Variants in MAN1A1 observed in about 807,000 individuals in gnomAD.
MAN1A1 encodes the protein mannosyl-oligosaccharide 1,2-alpha-mannosidase IA.
Under a neutral mutation model 70.8 loss-of-function variants are expected in MAN1A1, and 29 were observed. That is an observed-to-expected ratio of 0.41 (90% CI 0.31 to 0.56). The LOEUF (loss-of-function observed/expected upper bound fraction) is 0.56, where lower values mean the gene tolerates loss of function less well. MAN1A1 is among the 20% of genes least tolerant of loss of function. The pLI is 0.29. For synonymous variants in MAN1A1, 349 were observed against 330.1 expected (o/e 1.06, Z -0.62); for missense variants, 747 against 841.3 (o/e 0.89, Z 1.39).
At chr6:119,231,570 G>A (rs1774677425) in intron 6 of MAN1A1, among the ~76,000 whole-genome samples, 1 of 152,158 alleles carries the variant, frequency 6.6e-6, no homozygotes, top group Non-Finnish European at 1.5e-5. Flanking sequence ...ATCTAGAGAA[G>A]CCTCCTCAAG....
At chr6:119,183,436 A>G (rs991780949) in intron 11 of MAN1A1, among the ~76,000 whole-genome samples, 1 of 152,012 alleles carries the variant, frequency 6.6e-6, no homozygotes, top group African/African-American at 2.4e-5. Flanking sequence ...CAAATACCAG[A>G]TATGTAGAAT....
chr6:119,326,228 G>C (rs1289472097), intron 2 of MAN1A1, among the ~76,000 whole-genome samples: 1 of 152,162 alleles, frequency 6.6e-6, no homozygotes. Context: ...CTGCCTTCAG[G>C]GTCAGCAGCT....
chr6:119,213,537 G>A (rs1473871818), intron 6 of MAN1A1, among the ~76,000 whole-genome samples: 1 of 152,194 alleles, frequency 6.6e-6, no homozygotes, highest in Non-Finnish European at 1.5e-5. Flanking sequence ...TGTGTACCCT[G>A]TTTTGGTCCT....
chr6:119,178,242 A>C lies in MAN1A1; in HGVS notation c.*1577T>G, dbSNP rs1030628983. The C allele has an allele frequency of 2.2e-4, 33 of 152,138 alleles. No homozygotes were observed. Among genetic ancestry groups the C allele is most frequent in the African/African-American group, 7.7e-4 (32 of 41,460 alleles). The allele number at this position is 152,138 out of a possible 1,614,324, so 9.4% of individuals were successfully genotyped here. A position where few individuals can be genotyped will look rare whatever the true frequency, so the allele number is the denominator to read the frequency against. ...AAAGCTAAAATAACTAAAACTATTA[A>C]GCCTATTGATAGCTAAGAAAATAAT... On this transcript the variant is annotated 3_prime_UTR_variant, in exon 13 of 13. Coordinates refer to ENST00000368468, the MANE Select transcript of MAN1A1 (RefSeq NM_005907.4).
intron 5 of MAN1A1, among the ~76,000 whole-genome samples, chr6:119,283,601 G>A (rs895359761): frequency 1.3e-5 from 2 of 151,990 alleles, no homozygotes; most frequent in Admixed American, 6.6e-5. Context: ...GGAAGGCCTC[G>A]GAGGGGCTGT....
At chr6:119,239,357 CTTTT>C (rs1469426002) in intron 6 of MAN1A1, among the ~76,000 whole-genome samples, 1 of 152,200 alleles carries the variant, frequency 6.6e-6, no homozygotes, top group Admixed American at 6.5e-5. Flanking sequence ...TGCTCCATCA[CTTTT>C]TTTCTCTAGT....
chr6:119,187,559 A>G (rs992210946), intron 11 of MAN1A1, among the ~76,000 whole-genome samples: 28 of 152,234 alleles, frequency 1.8e-4, no homozygotes, highest in African/African-American at 6.5e-4. Flanking sequence ...GTTAAATTTT[A>G]CCAAAGGCAA....
At chr6:119,243,878 A>G (rs7753492) in intron 6 of MAN1A1, among the ~76,000 whole-genome samples, 48,921 of 151,848 alleles carry the variant, frequency 0.32, 8,339 homozygotes, top group Non-Finnish European at 0.35. Flanking sequence ...TTTCCTATAC[A>G]CACCTTCATG....
chr6:119,269,237 T>C (rs1172378816), intron 5 of MAN1A1: 14 of 268,108 alleles, frequency 5.2e-5, no homozygotes, highest in South Asian at 6.5e-5. Context: ...TTTCTTCCAA[T>C]AGCAGATATT....
intron 5 of MAN1A1, among the ~76,000 whole-genome samples, chr6:119,258,606 A>G (rs1170168357): frequency 6.6e-6 from 1 of 152,184 alleles, no homozygotes; most frequent in Non-Finnish European, 1.5e-5. Flanking sequence ...CTACCCCCAC[A>G]GATACCTAGG....
chr6:119,281,918 C>T (rs187276604), intron 5 of MAN1A1, among the ~76,000 whole-genome samples: 160 of 151,368 alleles, frequency 1.1e-3, no homozygotes, highest in African/African-American at 3.6e-3. Context: ...AAAAATTAGC[C>T]GGGCATGGTG....
intron 2 of MAN1A1, among the ~76,000 whole-genome samples, chr6:119,336,146 T>C (rs1453083793): frequency 6.6e-6 from 1 of 152,212 alleles, no homozygotes; most frequent in East Asian, 1.9e-4. Context: ...CTCGGTTCAC[T>C]GCAACCTCCG....
At chr6:119,349,519 C>T in intron 1 of MAN1A1, 23 bp downstream of exon 1, 1 of 985,260 alleles carries the variant, frequency 1.0e-6, no homozygotes, top group Non-Finnish European at 1.2e-6. Flanking sequence ...AGCGCGCGAG[C>T]ACCTCGGGGA....
intron 1 of MAN1A1, 54 bp downstream of exon 1, chr6:119,349,488 C>A: frequency 1.0e-6 from 1 of 972,970 alleles, no homozygotes; most frequent in Non-Finnish European, 1.2e-6. Context: ...AGGGGTGTCC[C>A]GCGCAGGAAG....
intron 2 of MAN1A1, among the ~76,000 whole-genome samples, chr6:119,333,165 T>G (rs1334109537): frequency 6.6e-6 from 1 of 152,206 alleles, no homozygotes; most frequent in Non-Finnish European, 1.5e-5. Context: ...ATCAAAGGCA[T>G]TACTTCCTAA....
chr6:119,296,487 A>C (rs1670596981), intron 4 of MAN1A1, among the ~76,000 whole-genome samples: 1 of 152,170 alleles, frequency 6.6e-6, no homozygotes, highest in Non-Finnish European at 1.5e-5. Context: ...TGTGGCTCTA[A>C]AACAGACCTT....
chr6:119,278,903 T>C (rs1776152286), intron 5 of MAN1A1, among the ~76,000 whole-genome samples: 1 of 152,142 alleles, frequency 6.6e-6, no homozygotes. Flanking sequence ...TGAGGCTTCA[T>C]GAGAAGCCAA....
chr6:119,336,527 A>C (rs1018059104), intron 2 of MAN1A1, among the ~76,000 whole-genome samples: 15 of 152,346 alleles, frequency 9.8e-5, no homozygotes, highest in African/African-American at 3.6e-4. Flanking sequence ...AATAAACTGC[A>C]AAAGGGACCA....
intron 5 of MAN1A1, 27 bp downstream of exon 5, chr6:119,290,656 A>C (rs370498423): frequency 6.6e-7 from 1 of 1,525,680 alleles, no homozygotes. Flanking sequence ...TTTATAATTC[A>C]CATTTATATA....
Sources: gnomAD v4.1 joint callset for allele counts (sites outside exome capture counted in the v4.1 genomes callset) on GRCh38, gnomAD v4.1.1 for gene constraint, MANE v1.5 for transcripts, NCBI Gene and HGNC (gene_info 2026-07-23, HGNC 2026-07-21) for gene names.